Variants in CHSY3 observed in about 807,000 individuals in gnomAD.
CHSY3 encodes chondroitin sulfate synthase 3.
In CHSY3, 35 loss-of-function variants were observed where a neutral mutation model predicts 67.2. The observed-to-expected ratio is 0.52, with a 90% CI of 0.40 to 0.69. The LOEUF (loss-of-function observed/expected upper bound fraction) is 0.69. Ranked by LOEUF, CHSY3 falls within the 30% of genes least tolerant of loss-of-function variation. The pLI, the probability that CHSY3 is intolerant of heterozygous loss-of-function variation, is 0.00. For missense variants in CHSY3, 1,069 were observed against 1,138.5 expected (o/e 0.94, Z 0.88); for synonymous variants, 474 against 434.7 (o/e 1.09, Z -1.12).
chr5:130,115,440 T>C (rs938980276), intron 2 of CHSY3, among the ~76,000 whole-genome samples: 2 of 152,206 alleles, frequency 1.3e-5, no homozygotes, highest in African/African-American at 4.8e-5. Flanking sequence ...ATGTTTTTAC[T>C]TATGTTTTAT....
At chr5:130,181,033 GAGA>G (rs984120816) in intron 2 of CHSY3, among the ~76,000 whole-genome samples, 2 of 152,006 alleles carry the variant, frequency 1.3e-5, no homozygotes, top group African/African-American at 4.8e-5. Flanking sequence ...TAGGTTTTTT[GAGA>G]AGATTTTCCT....
chr5:129,933,518 A>G (rs1309386079), intron 2 of CHSY3, among the ~76,000 whole-genome samples: 35 of 152,208 alleles, frequency 2.3e-4, no homozygotes, highest in Admixed American at 2.3e-3. Flanking sequence ...AGGGTGTAAC[A>G]GAAGTGTTTA....
At chr5:130,136,717 C>G (rs1768677214) in intron 2 of CHSY3, among the ~76,000 whole-genome samples, 1 of 152,068 alleles carries the variant, frequency 6.6e-6, no homozygotes, top group Non-Finnish European at 1.5e-5. Flanking sequence ...GAATCTCATG[C>G]TTTGTAACAC....
At chr5:129,907,428 A>G (rs1226466730) in intron 1 of CHSY3, among the ~76,000 whole-genome samples, 1 of 152,216 alleles carries the variant, frequency 6.6e-6, no homozygotes, top group Admixed American at 6.5e-5. Flanking sequence ...TATCACTTGG[A>G]ATACCAAGTG....
intron 2 of CHSY3, among the ~76,000 whole-genome samples, chr5:130,174,984 T>G (rs1357760711): frequency 6.6e-6 from 1 of 152,020 alleles, no homozygotes; most frequent in African/African-American, 2.4e-5. Context: ...GATATAATAG[T>G]GGGGTGTTAA....
At chr5:130,126,997 AAC>A (rs1208934167) in intron 2 of CHSY3, among the ~76,000 whole-genome samples, 1 of 152,190 alleles carries the variant, frequency 6.6e-6, no homozygotes, top group East Asian at 1.9e-4. Flanking sequence ...CACCAAGTGA[AAC>A]ATCTTTCAGA....
chr5:129,908,286 A>G lies in CHSY3; in HGVS notation c.1012A>G (p.Thr338Ala), dbSNP rs773380386. The G allele has an allele frequency of 6.2e-7, 1 of 1,613,980 alleles. No individual in the cohort carries two copies. The change falls in exon 2 of 3, where the codon ACG becomes GCG. Residue 338 changes from threonine (T) to alanine (A), a missense_variant. Thr to Ala is a moderately conservative substitution (Grantham distance 58). Transcript: ENST00000305031. The part of the protein sequence containing the change: ...HIGECLREMY[T>A]THEDVEVGRC... ...TGGTGAATGCCTTAGAGAAATGTACACGACTCATGAGGATGTGGAAGTAGG... is the reference window on the plus strand; with the variant it reads ...TGGTGAATGCCTTAGAGAAATGTACGCGACTCATGAGGATGTGGAAGTAGG...
intron 2 of CHSY3, among the ~76,000 whole-genome samples, chr5:130,166,672 A>C (rs1313178523): frequency 6.6e-6 from 1 of 152,164 alleles, no homozygotes; most frequent in Non-Finnish European, 1.5e-5. Flanking sequence ...CACTATAATT[A>C]GGATATTTTT....
At chr5:130,148,546 G>A (rs1055401343) in intron 2 of CHSY3, among the ~76,000 whole-genome samples, 4 of 152,008 alleles carry the variant, frequency 2.6e-5, no homozygotes, top group Admixed American at 2.6e-4. Context: ...TCCTCAACCT[G>A]GCCAGCACCT....
intron 2 of CHSY3, among the ~76,000 whole-genome samples, chr5:130,166,630 C>T (rs1404042593): frequency 1.3e-5 from 2 of 152,126 alleles, no homozygotes; most frequent in African/African-American, 4.8e-5. Flanking sequence ...TCCATTCCCA[C>T]AGCAGTGTTG....
intron 2 of CHSY3, among the ~76,000 whole-genome samples, chr5:130,072,649 T>C (rs1467092492): frequency 6.6e-6 from 1 of 152,118 alleles, no homozygotes; most frequent in East Asian, 1.9e-4. Context: ...TTTGGGGTCA[T>C]TTGTGGTTCC....
At chr5:129,987,723 G>A (rs1419022661) in intron 2 of CHSY3, among the ~76,000 whole-genome samples, 1 of 152,054 alleles carries the variant, frequency 6.6e-6, no homozygotes, top group African/African-American at 2.4e-5. Flanking sequence ...TTTCTGTCTT[G>A]TATTAGTTGA....
intron 2 of CHSY3, among the ~76,000 whole-genome samples, chr5:130,094,356 C>T (rs1047578488): frequency 3.9e-5 from 6 of 152,276 alleles, no homozygotes; most frequent in East Asian, 1.9e-4. Context: ...TGAATACTAA[C>T]GTATTATAAA....
At position 129,993,094 on chromosome 5, in the gene CHSY3, C is replaced by T. The variant is rs865952337; in HGVS notation, c.1086+84734C>T. Among the ~76,000 whole-genome samples, 10 of 152,218 alleles carry T rather than the reference C, an allele frequency of 6.6e-5. 1 individual carries two copies. Among genetic ancestry groups the T allele is most frequent in the South Asian group, 4.1e-4 (2 of 4,826 alleles). ...TAATTTTCCTTCTAACTCTAGAAAA[C>T]GGGTACTGTTATGTGCTATTTCAGA... is the stretch of plus-strand genomic sequence containing the variant. On this transcript the variant is annotated intron_variant, in intron 2 of 2. Coordinates refer to ENST00000305031, the MANE Select transcript of CHSY3 (RefSeq NM_175856.5).
chr5:130,063,906 A>G (rs757846270), intron 2 of CHSY3, among the ~76,000 whole-genome samples: 2 of 152,140 alleles, frequency 1.3e-5, no homozygotes, highest in African/African-American at 2.4e-5. Flanking sequence ...ATTTCTTAAT[A>G]CTATCACATT....
chr5:130,088,936 G>A (rs951026691), intron 2 of CHSY3, among the ~76,000 whole-genome samples: 4 of 151,880 alleles, frequency 2.6e-5, no homozygotes, highest in Middle Eastern at 3.4e-3. Context: ...TGTTTATTGC[G>A]GCACTATTCA....
chr5:130,008,498 T>G (rs1763949451), intron 2 of CHSY3, among the ~76,000 whole-genome samples: 2 of 152,144 alleles, frequency 1.3e-5, no homozygotes, highest in South Asian at 4.1e-4. Context: ...CATCAAAGAT[T>G]AAAGGAACAT....
chr5:130,120,610 T>G (rs1767983327), intron 2 of CHSY3, among the ~76,000 whole-genome samples: 3 of 152,248 alleles, frequency 2.0e-5, no homozygotes, highest in South Asian at 2.1e-4. Context: ...ACTTACTGGT[T>G]GTATGTGTGA....
chr5:130,041,155 C>A (rs942827368), intron 2 of CHSY3, among the ~76,000 whole-genome samples: 1 of 152,002 alleles, frequency 6.6e-6, no homozygotes, highest in Non-Finnish European at 1.5e-5. Context: ...TCTTACCCCC[C>A]AAAAAAGTTA....
Sources: gnomAD v4.1 joint callset for allele counts (sites outside exome capture counted in the v4.1 genomes callset) on GRCh38, gnomAD v4.1.1 for gene constraint, MANE v1.5 for transcripts, NCBI Gene and HGNC (gene_info 2026-07-23, HGNC 2026-07-21) for gene names.